Variants in D2HGDH observed in about 807,000 individuals in gnomAD.
D2HGDH encodes the protein D-2-hydroxyglutarate dehydrogenase.
D2HGDH carries 31 observed loss-of-function variants against 46.9 expected under a neutral mutation model. That is an observed-to-expected ratio of 0.66 (90% confidence interval 0.50 to 0.89). The LOEUF (loss-of-function observed/expected upper bound fraction) is 0.89. D2HGDH is among the 40% of genes least tolerant of loss of function. The pLI, the probability that D2HGDH is intolerant of heterozygous loss-of-function variation, is 0.00. For synonymous variants in D2HGDH, 364 were observed against 332.6 expected, an observed-to-expected ratio of 1.09 and a Z score of -1.03; for missense variants, 698 against 720.8, an observed-to-expected ratio of 0.97 and a Z score of 0.36.
In D2HGDH at chr2:241,742,989, G is replaced by A. The variant is rs1273919381; in HGVS notation, c.490+415G>A. Among the ~76,000 whole-genome samples, 4 of 87,964 alleles carry A rather than the reference G, an allele frequency of 4.5e-5. No homozygotes were observed. Among genetic ancestry groups the A allele is most frequent in the Admixed American group, 1.1e-4 (1 of 8,998 alleles). The allele number at this position is 87,964 out of a possible 152,430, so 57.7% of individuals were successfully genotyped here. On this transcript the variant is annotated intron_variant, in intron 4 of 9. Coordinates refer to ENST00000321264, the MANE Select transcript of D2HGDH (RefSeq NM_152783.5). The surrounding 1 kb of genome is among the most constrained non-coding windows in gnomAD (Gnocchi z 4.8). ...GGATCCTGACCCAGGGCGCCAGAGCGTGGCAGGCATGAGGGGATCCTGACC... is the reference window on the plus strand; with the variant it reads ...GGATCCTGACCCAGGGCGCCAGAGCATGGCAGGCATGAGGGGATCCTGACC...
Position 241,768,194 on chromosome 2 carries a change from G to A in D2HGDH, c.*225G>A, listed in dbSNP as rs1332899223. 3 of 700,260 alleles carry A rather than the reference G, an allele frequency of 4.3e-6. No individual in the cohort carries two copies. Among genetic ancestry groups the A allele is most frequent in the African/African-American group, 1.8e-5 (1 of 55,430 alleles). The allele number at this position is 700,260 out of a possible 1,614,324, so 43.4% of individuals were successfully genotyped here. A position where few individuals can be genotyped will look rare whatever the true frequency, so the allele number is the denominator to read the frequency against. On this transcript the variant is annotated 3_prime_UTR_variant, in exon 10 of 10. Coordinates refer to ENST00000321264, the MANE Select transcript of D2HGDH (RefSeq NM_152783.5). ...GGCACCCTCCTTTGCAGGGCGAGGT[G>A]GGGCCTCTGCAGCCATCCTGGACAG...
Position 241,742,572 on chromosome 2 carries a change from C to G in D2HGDH, c.488C>G (p.Ser163Cys). ...MNRVLSFHSV[S>C]GILVCQAGCV... is the part of the protein sequence containing the mutation. ...CGGGTCCTCAGCTTCCACAGCGTGT[C>G]TGGTAAGCCTGTGCCACCCGTCGGG... Residue 163 changes from serine (S) to cysteine (C), a missense_variant and splice_region_variant, in exon 4 of 10, where the codon TCT becomes TGT. By Grantham distance (112) the Ser-to-Cys change is moderately radical. Transcript: ENST00000321264. The surrounding 1 kb of genome is among the most constrained non-coding windows in gnomAD (Gnocchi z 4.8). The G allele has an allele frequency of 1.2e-6, 2 of 1,614,108 alleles. No homozygotes were observed. Among genetic ancestry groups the G allele is most frequent in the Non-Finnish European group, 1.7e-6 (2 of 1,180,014 alleles).
chr2:241,754,131 A>G (rs1697774170), intron 8 of D2HGDH, among the ~76,000 whole-genome samples: 1 of 152,212 alleles, frequency 6.6e-6, no homozygotes. Context: ...GTGAGCAGAC[A>G]AGGGTAGAGC....
chr2:241,754,101 T>C (rs1267325783), intron 8 of D2HGDH, among the ~76,000 whole-genome samples: 1 of 152,122 alleles, frequency 6.6e-6, no homozygotes, highest in Non-Finnish European at 1.5e-5. Flanking sequence ...ATGGTGGGTG[T>C]GGAGCTGAGT....
chr2:241,750,075 T>A, intron 6 of D2HGDH, 76 bp from the exon 7 acceptor site: 1 of 1,609,138 alleles, frequency 6.2e-7, no homozygotes, highest in South Asian at 1.1e-5. Flanking sequence ...CGGGCTGATG[T>A]TGCTGCTTTG....
rs375565047 is a variant in D2HGDH at position 241,755,980 on chromosome 2, G to T, written c.1272G>T (p.Pro424=). The T allele has an allele frequency of 3.7e-6, 6 of 1,603,108 alleles. No homozygotes were observed. The East Asian group carries it at 6.7e-5, about 18-fold the overall frequency. Residue 424 remains proline (P), a synonymous_variant, in exon 9 of 10, where the codon CCG becomes CCT. Coordinates refer to ENST00000321264, the MANE Select transcript of D2HGDH (RefSeq NM_152783.5). ...CTGACCTGCGCGCCCGCCTCGGCCCGCACGCCAAGCACGTGGTGGGCTATG... is the reference window on the plus strand; with the variant it reads ...CTGACCTGCGCGCCCGCCTCGGCCCTCACGCCAAGCACGTGGTGGGCTATG... ...IVTDLRARLG[P]HAKHVVGYGH... is the part of the protein sequence containing the mutation.
chr2:241,750,819 C>T (rs1186570926), intron 7 of D2HGDH, among the ~76,000 whole-genome samples: 2 of 152,048 alleles, frequency 1.3e-5, no homozygotes, highest in East Asian at 1.9e-4. Flanking sequence ...CGGGTTCAAA[C>T]GATTCTTCTG....
chr2:241,747,969 G>T (rs529605409), intron 6 of D2HGDH, among the ~76,000 whole-genome samples: 125 of 152,334 alleles, frequency 8.2e-4, no homozygotes, highest in African/African-American at 2.8e-3. Flanking sequence ...ATGTGGCCCT[G>T]TGGGGGTCTC....
chr2:241,764,203 C>G (rs5839764), intron 9 of D2HGDH, among the ~76,000 whole-genome samples: 66,028 of 151,088 alleles, frequency 0.44, 15,688 homozygotes, highest in African/African-American at 0.64. Flanking sequence ...GACTGGGGGG[C>G]GACGGGGACT....
In D2HGDH at chr2:241,760,383, C is replaced by T. The variant is rs1335851625; in HGVS notation, c.1306+4369C>T. On this transcript the variant is annotated intron_variant, in intron 9 of 9. Coordinates refer to ENST00000321264, the MANE Select transcript of D2HGDH (RefSeq NM_152783.5). ...TTACCCAATCAGTCGAAGGCCTTTG[C>T]CACAGCGTGGGTGGGCCTTACCCAA... Among the ~76,000 whole-genome samples the T allele has an allele frequency of 3.5e-5, 5 of 143,684 alleles. No individual in the cohort carries two copies. In the East Asian group the frequency reaches 1.0e-3, roughly 30 times the overall value. 94.3% of individuals were successfully genotyped at this position (143,684 alleles called of 152,430 possible).
chr2:241,746,939 G>A (rs1488323630), intron 6 of D2HGDH, among the ~76,000 whole-genome samples: 1 of 151,848 alleles, frequency 6.6e-6, no homozygotes, highest in African/African-American at 2.4e-5. Flanking sequence ...TTATAATCAG[G>A]CAATTCCATT....
At chr2:241,762,217 G>A (rs915834864) in intron 9 of D2HGDH, among the ~76,000 whole-genome samples, 4 of 151,828 alleles carry the variant, frequency 2.6e-5, no homozygotes, top group East Asian at 3.9e-4. Context: ...GATTACAGGC[G>A]TGTGCCACCA....
At chr2:241,749,446 C>T in intron 6 of D2HGDH, 1 of 1,128,358 alleles carries the variant, frequency 8.9e-7, no homozygotes, top group East Asian at 6.1e-5. Context: ...GGCTGCCCGC[C>T]TGCAGACATC....
In D2HGDH at chr2:241,767,976, C is replaced by T. The variant is rs1202063042; in HGVS notation, c.*7C>T. The T allele has an allele frequency of 6.3e-7, 1 of 1,582,296 alleles. No individual in the cohort carries two copies. The highest frequency in any genetic ancestry group is 8.6e-7 in the Non-Finnish European group (1 of 1,168,904). Reference sequence around the variant, plus strand: ...GCTGCCCAGCCAGGCCTGACGGCCACTCCTGCTGCTGCCAAGGCCCACTGG... The same window carrying T: ...GCTGCCCAGCCAGGCCTGACGGCCATTCCTGCTGCTGCCAAGGCCCACTGG... On this transcript the variant is annotated 3_prime_UTR_variant, in exon 10 of 10. Coordinates refer to ENST00000321264, the MANE Select transcript of D2HGDH (RefSeq NM_152783.5).
chr2:241,735,531 G>T lies in D2HGDH; in HGVS notation c.292+15G>T. ...GACGCTGCGAGGTGGGTGAGGCTTG[G>T]GAAGCTGCGGCGTTTCCGCGTCCCT... On this transcript the variant is annotated intron_variant, in intron 2 of 9. Transcript: ENST00000321264. 1 of 1,602,684 alleles carries T rather than the reference G, an allele frequency of 6.2e-7. No individual in the cohort carries two copies. The highest frequency in any genetic ancestry group is 8.5e-7 in the Non-Finnish European group (1 of 1,179,614).
chr2:241,752,519 C>T (rs752972839), intron 8 of D2HGDH, among the ~76,000 whole-genome samples: 5 of 152,108 alleles, frequency 3.3e-5, no homozygotes, highest in Non-Finnish European at 7.4e-5. Context: ...CCTCGCGTTC[C>T]GTGTGGGTGA....
intron 8 of D2HGDH, chr2:241,754,472 C>T (rs1278740023): frequency 6.6e-6 from 1 of 151,528 alleles, no homozygotes; most frequent in African/African-American, 2.4e-5. Context: ...CGGGAGACTT[C>T]AAAAAAACAA....
chr2:241,740,340 G>A (rs1165475235), intron 2 of D2HGDH, among the ~76,000 whole-genome samples: 4 of 152,156 alleles, frequency 2.6e-5, no homozygotes, highest in South Asian at 2.1e-4. Flanking sequence ...GTGTGGTGGC[G>A]TGGCAGGAGG....
At chr2:241,736,668 T>TC (rs1692926215) in intron 2 of D2HGDH, among the ~76,000 whole-genome samples, 2 of 134,266 alleles carry the variant, frequency 1.5e-5, no homozygotes, top group African/African-American at 5.4e-5. Context: ...AGACCGTTTA[T>TC]CCGTTTTTTT....
Sources: gnomAD v4.1 joint callset for allele counts (sites outside exome capture counted in the v4.1 genomes callset) on GRCh38, gnomAD v4.1.1 for gene constraint, Gnocchi (gnomAD v3.1) non-coding constraint, MANE v1.5 for transcripts, NCBI Gene and HGNC (gene_info 2026-07-23, HGNC 2026-07-21) for gene names.